The following GNAL variants were observed in gnomAD, a reference collection of about 807,000 sequenced individuals.
The protein encoded by GNAL is G protein subunit alpha L, also known as guanine nucleotide-binding protein G(olf) subunit alpha.
In GNAL, 18 loss-of-function variants were observed where a neutral mutation model predicts 55.1. The observed-to-expected ratio is 0.33, with a 90% CI of 0.23 to 0.48. The LOEUF (loss-of-function observed/expected upper bound fraction) is 0.48. GNAL is among the 20% of genes least tolerant of loss of function. The pLI, the probability that GNAL is intolerant of heterozygous loss-of-function variation, is 0.99. For missense variants in GNAL, 412 were observed against 614.1 expected (o/e 0.67, Z 3.48); for synonymous variants, 253 against 237.0 (o/e 1.07, Z -0.62).
At position 11,852,208 on chromosome 18, in the gene GNAL, C is replaced by T. The variant is rs1003250484; in HGVS notation, c.723-10187C>T. The T allele has an allele frequency of 1.4e-5, 19 of 1,394,356 alleles. No individual in the cohort carries two copies. The African/African-American group carries it at 2.6e-4, about 19-fold the overall frequency. 86.4% of individuals were successfully genotyped at this position (1,394,356 alleles called of 1,614,324 possible). On this transcript the variant is annotated intron_variant, in intron 5 of 11. Transcript: ENST00000334049. Reference sequence around the variant, plus strand: ...CTATACCCTAGAAACTCTGAACACGCCAGAATGCTGAAATGCCCTTCTACC... The same window carrying T: ...CTATACCCTAGAAACTCTGAACACGTCAGAATGCTGAAATGCCCTTCTACC...
rs547755305 is a variant in GNAL, at chr18:11,824,271, G to C, written c.625-647G>C. Reference sequence around the variant, plus strand: ...TTTTTCATGGCTGAGATGGGGGGGGGGTTCAATGAGTTAAGTTACTGAATT... The same window carrying C: ...TTTTTCATGGCTGAGATGGGGGGGGCGTTCAATGAGTTAAGTTACTGAATT... On this transcript the variant is annotated intron_variant, in intron 4 of 11. Coordinates refer to ENST00000334049, the MANE Select transcript of GNAL (RefSeq NM_182978.4). 3.5e-3 allele frequency among the ~76,000 whole-genome samples: 443 copies of C among 127,956 alleles called. 5 individuals are homozygous for C. Among genetic ancestry groups the C allele is most frequent in the African/African-American group, 0.013 (431 of 33,938 alleles). The allele number at this position is 127,956 out of a possible 152,430, so 83.9% of individuals were successfully genotyped here. A position where few individuals can be genotyped will look rare whatever the true frequency, so the allele number is the denominator to read the frequency against.
At chr18:11,877,253 A>C (rs1215068080) in intron 11 of GNAL, among the ~76,000 whole-genome samples, 1 of 152,226 alleles carries the variant, frequency 6.6e-6, no homozygotes, top group Non-Finnish European at 1.5e-5. Flanking sequence ...CAGGAGTTCG[A>C]GACTAGCCTG....
chr18:11,829,009 T>C (rs184959644), intron 5 of GNAL, among the ~76,000 whole-genome samples: 189 of 152,320 alleles, frequency 1.2e-3, no homozygotes, highest in African/African-American at 4.3e-3. Context: ...GAGAGGTGCC[T>C]ACGATCACAG....
At chr18:11,879,038 T>A (rs1171532160) in intron 11 of GNAL, among the ~76,000 whole-genome samples, 1 of 151,660 alleles carries the variant, frequency 6.6e-6, no homozygotes, top group East Asian at 1.9e-4. Context: ...CACACCAACA[T>A]GGCACATGTA....
rs532287426 is a variant in GNAL, at chr18:11,751,046, A to G, written c.377-1807A>G. On this transcript the variant is annotated intron_variant, in intron 1 of 11. Transcript: ENST00000334049. This position sits in a 1 kb window ranked among gnomAD's most constrained non-coding sequence, Gnocchi z 4.5. ...AAGAAGGCCAGCTCCGCAGTGAAGAAGACCGTGTAGGTTTCTTGGAAGGTG... is the reference window on the plus strand; with the variant it reads ...AAGAAGGCCAGCTCCGCAGTGAAGAGGACCGTGTAGGTTTCTTGGAAGGTG... 6.6e-6 allele frequency among the ~76,000 whole-genome samples: 1 copy of G among 152,210 alleles called. No individual in the cohort carries two copies. The highest frequency in any genetic ancestry group is 2.1e-4 in the South Asian group (1 of 4,818).
intron 1 of GNAL, chr18:11,746,097 A>G: frequency 1.9e-6 from 1 of 517,360 alleles, no homozygotes; most frequent in Non-Finnish European, 3.8e-6. Flanking sequence ...GGAGCACTCC[A>G]CGACTCCCCT....
intron 4 of GNAL, among the ~76,000 whole-genome samples, chr18:11,778,290 C>A (rs1037013588): frequency 6.6e-6 from 1 of 152,170 alleles, no homozygotes; most frequent in African/African-American, 2.4e-5. Flanking sequence ...TCAGGAACAT[C>A]TGAACTATGA....
Position 11,868,596 on chromosome 18 carries a change from C to A in GNAL, c.964C>A (p.Arg322=). 1.2e-6 allele frequency: 2 copies of A among 1,610,012 alleles called. No individual in the cohort carries two copies. Among genetic ancestry groups the A allele is most frequent in the South Asian group, 1.1e-5 (1 of 90,884 alleles). ...CTGCAGTAGCTACAACATGGTGATT[C>A]GAGAAGATAACAACACCAACAGGCT... ...AACSSYNMVI[R]EDNNTNRLRE... is the part of the protein sequence containing the mutation. Residue 322 remains arginine, a synonymous_variant, in exon 9 of 12, where the codon CGA becomes AGA. Coordinates refer to ENST00000334049, the MANE Select transcript of GNAL (RefSeq NM_182978.4). The surrounding 1 kb of genome is among the most constrained non-coding windows in gnomAD (Gnocchi z 4.0).
At chr18:11,718,093 A>G (rs773810784) in intron 1 of GNAL, among the ~76,000 whole-genome samples, 1 of 152,218 alleles carries the variant, frequency 6.6e-6, no homozygotes, top group Non-Finnish European at 1.5e-5. Context: ...TAAATAAATA[A>G]TGTTCCAGAC....
chr18:11,827,896 G>A lies in GNAL; in HGVS notation c.722+2881G>A, dbSNP rs373227740. ...TGAGGCAGGGGAATGGCGTGAACCC[G>A]GGAGGCGGAGCTTGCAGTGAGCCGA... On this transcript the variant is annotated intron_variant, in intron 5 of 11. Coordinates refer to ENST00000334049, the MANE Select transcript of GNAL (RefSeq NM_182978.4). Among the ~76,000 whole-genome samples the A allele has an allele frequency of 2.6e-4, 40 of 151,728 alleles. No homozygotes were observed. The East Asian group carries it at 4.9e-3, about 19-fold the overall frequency.
intron 6 of GNAL, among the ~76,000 whole-genome samples, chr18:11,863,379 C>G (rs1196320016): frequency 6.6e-6 from 1 of 152,222 alleles, no homozygotes; most frequent in African/African-American, 2.4e-5. Flanking sequence ...TCTGTATTCC[C>G]TGCAAGGCCT....
chr18:11,705,666 A>T (rs1411854450), intron 1 of GNAL, among the ~76,000 whole-genome samples: 1 of 149,912 alleles, frequency 6.7e-6, no homozygotes, highest in Non-Finnish European at 1.5e-5. Flanking sequence ...GTGTGAGGTG[A>T]TATGTCATTA....
chr18:11,801,595 C>G (rs1319553610), intron 4 of GNAL, among the ~76,000 whole-genome samples: 1 of 152,126 alleles, frequency 6.6e-6, no homozygotes, highest in Admixed American at 6.5e-5. Flanking sequence ...ACCCTGGCCA[C>G]TGTTTCAGAA....
At chr18:11,804,845 G>A (rs564230510) in intron 4 of GNAL, among the ~76,000 whole-genome samples, 37 of 142,574 alleles carry the variant, frequency 2.6e-4, no homozygotes, top group African/African-American at 9.5e-4. Context: ...GAGATACTGT[G>A]TAGTGGTGAA....
At chr18:11,720,006 A>T (rs996493353) in intron 1 of GNAL, among the ~76,000 whole-genome samples, 2 of 152,156 alleles carry the variant, frequency 1.3e-5, no homozygotes. Context: ...CCTTTAATGA[A>T]CATTTGAATC....
chr18:11,828,807 C>T (rs1598412117), intron 5 of GNAL, among the ~76,000 whole-genome samples: 1 of 151,994 alleles, frequency 6.6e-6, no homozygotes, highest in Non-Finnish European at 1.5e-5. Flanking sequence ...AGATTCTGGC[C>T]CCACCCCCGA....
intron 4 of GNAL, among the ~76,000 whole-genome samples, chr18:11,763,527 C>T (rs1020355131): frequency 6.6e-6 from 1 of 151,966 alleles, no homozygotes; most frequent in African/African-American, 2.4e-5. Flanking sequence ...GCATAGCCCA[C>T]CACCATGCCT....
intron 7 of GNAL, among the ~76,000 whole-genome samples, chr18:11,865,338 T>G (rs1042031581): frequency 3.3e-5 from 5 of 149,676 alleles, no homozygotes; most frequent in Non-Finnish European, 4.4e-5. Context: ...CTCACCAGGC[T>G]GGGCTGTTGT....
chr18:11,709,613 TTGTA>T (rs2031792289), intron 1 of GNAL, among the ~76,000 whole-genome samples: 1 of 152,160 alleles, frequency 6.6e-6, no homozygotes, highest in Non-Finnish European at 1.5e-5. Flanking sequence ...AGTTCATTGT[TTGTA>T]TGTAAAACTG....
Sources: allele counts gnomAD v4.1 joint callset (sites outside exome capture counted in the v4.1 genomes callset), GRCh38; gene constraint gnomAD v4.1.1; non-coding constraint Gnocchi (gnomAD v3.1); transcripts MANE v1.5; gene names NCBI Gene and HGNC (gene_info 2026-07-23, HGNC 2026-07-21).